Variants in TMPRSS4 observed in about 807,000 individuals in gnomAD.
TMPRSS4 encodes transmembrane protease serine 4.
In TMPRSS4, 45 loss-of-function variants were observed where a neutral mutation model predicts 56.4. The observed-to-expected ratio is 0.80, with a 90% CI of 0.63 to 1.02. The LOEUF is 1.02. TMPRSS4 is among the 50% of genes least tolerant of loss of function. TMPRSS4 has a pLI of 0.00. For synonymous variants in TMPRSS4, 205 were observed against 211.0 expected (o/e 0.97, Z 0.25); for missense variants, 546 against 556.7 (o/e 0.98, Z 0.19).
chr11:118,099,281 C>T, intron 3 of TMPRSS4, 183 bp downstream of exon 3: 1 of 517,370 alleles, frequency 1.9e-6, no homozygotes, highest in Non-Finnish European at 3.4e-6. Flanking sequence ...CTCCCATTAT[C>T]ACCTCAGTAA....
At chr11:118,089,401 TTA>T (rs1945802873) in intron 1 of TMPRSS4, among the ~76,000 whole-genome samples, 5 of 152,232 alleles carry the variant, frequency 3.3e-5, no homozygotes, top group Admixed American at 6.5e-5. Context: ...GATGGCTTTT[TTA>T]TGTTTTCCTT....
intron 1 of TMPRSS4, among the ~76,000 whole-genome samples, chr11:118,078,279 T>C (rs533184725): frequency 3.1e-4 from 47 of 152,184 alleles, no homozygotes; most frequent in African/African-American, 1.1e-3. Context: ...CCAGGGGTCT[T>C]CCTTCTCCAG....
At chr11:118,115,320 G>A (rs779217495) in intron 11 of TMPRSS4, 40 bp downstream of exon 11, 3 of 1,605,324 alleles carry the variant, frequency 1.9e-6, no homozygotes, top group Non-Finnish European at 2.5e-6. Flanking sequence ...TAAGAATAGG[G>A]TTTAGGTCCT....
chr11:118,107,667 C>G lies in TMPRSS4; in HGVS notation c.441-107C>G, dbSNP rs1947060828. The stretch of plus-strand genomic sequence containing the variant: ...TCTCCACTCCCTGGCCACTCCCCAC[C>G]AAGCATTCTCTGCCACTCTTTCTCC... On this transcript the variant is annotated intron_variant, in intron 5 of 12. Transcript: ENST00000437212. The G allele has an allele frequency of 4.4e-6, 4 of 905,998 alleles. No homozygotes were observed. The South Asian group carries it at 4.9e-5, about 11-fold the overall frequency. 56.1% of individuals were successfully genotyped at this position (905,998 alleles called of 1,614,324 possible).
intron 1 of TMPRSS4, 40 bp downstream of exon 1, chr11:118,077,345 T>C (rs1591318179): frequency 2.5e-6 from 4 of 1,577,976 alleles, no homozygotes; most frequent in Non-Finnish European, 2.6e-6. Context: ...ACAGGAAGGG[T>C]GGGTCTCCCC....
At position 118,119,306 on chromosome 11, in the gene TMPRSS4, T is replaced by A; in HGVS notation, c.*1393T>A. 21 of 985,446 alleles carry A rather than the reference T, an allele frequency of 2.1e-5. No homozygotes were observed. Among genetic ancestry groups the A allele is most frequent in the Non-Finnish European group, 2.5e-5 (21 of 829,930 alleles). 61.0% of individuals were successfully genotyped at this position (985,446 alleles called of 1,614,324 possible). A position where few individuals can be genotyped will look rare whatever the true frequency, so the allele number is the denominator to read the frequency against. On this transcript the variant is annotated 3_prime_UTR_variant, in exon 13 of 13. Transcript: ENST00000437212. ...GACAAGGGAGCTGAACCAGGGCTCC[T>A]ACATGAAGCAGGGATAACTGATGGC...
At position 118,098,985 on chromosome 11, in the gene TMPRSS4, A is replaced by G. The variant is rs750427274; in HGVS notation, c.44A>G (p.Asp15Gly). Residue 15 changes from aspartate (D) to glycine (G), a missense_variant and splice_region_variant, in exon 3 of 13, where the codon GAT becomes GGT. Physicochemically the swap from Asp to Gly is moderately conservative, Grantham distance 94. Transcript: ENST00000437212. ...CCCTCTGCCTCCCATTTTCTTGCAGATGTCAAACCCCTGCGCAAACCCCGT... is the reference window on the plus strand; with the variant it reads ...CCCTCTGCCTCCCATTTTCTTGCAGGTGTCAAACCCCTGCGCAAACCCCGT... ...PDSDQPLNSL[D>G]VKPLRKPRIP... The G allele has an allele frequency of 3.7e-6, 6 of 1,610,362 alleles. No individual in the cohort carries two copies. The highest frequency in any genetic ancestry group is 1.7e-6 in the Non-Finnish European group (2 of 1,177,590).
At chr11:118,110,033 T>C (rs1327979915) in intron 7 of TMPRSS4, among the ~76,000 whole-genome samples, 1 of 152,120 alleles carries the variant, frequency 6.6e-6, no homozygotes. Flanking sequence ...ACTGAAAGGG[T>C]GGCCAATACC....
At chr11:118,090,269 T>C (rs748821205) in intron 1 of TMPRSS4, among the ~76,000 whole-genome samples, 2 of 152,216 alleles carry the variant, frequency 1.3e-5, no homozygotes, top group Non-Finnish European at 2.9e-5. Context: ...TGAGATATTT[T>C]CATTAATTCT....
chr11:118,107,751 TC>T (rs779348353), intron 5 of TMPRSS4, 22 bp from the exon 6 acceptor site: 1 of 1,607,154 alleles, frequency 6.2e-7, no homozygotes, highest in Non-Finnish European at 8.5e-7. Flanking sequence ...CTCACAACTC[TC>T]TCTCCCTCTT....
At chr11:118,102,724 G>A (rs4996911) in intron 3 of TMPRSS4, among the ~76,000 whole-genome samples, 52,412 of 151,856 alleles carry the variant, frequency 0.35, 9,093 homozygotes, top group Admixed American at 0.37. Flanking sequence ...AAAGAAAAAA[G>A]TTAAGTTCCA....
chr11:118,077,872 G>A (rs1284454985), intron 1 of TMPRSS4, among the ~76,000 whole-genome samples: 1 of 152,016 alleles, frequency 6.6e-6, no homozygotes, highest in Admixed American at 6.5e-5. Flanking sequence ...AATTAGCCAG[G>A]CGTGGTGGCA....
chr11:118,094,892 C>T (rs1946200898), intron 2 of TMPRSS4, 37 bp downstream of exon 2: 3 of 1,604,942 alleles, frequency 1.9e-6, no homozygotes, highest in Non-Finnish European at 2.6e-6. Context: ...TCCACCTTAG[C>T]CTCTGAGTTT....
Position 118,115,225 on chromosome 11 carries a change from T to G in TMPRSS4, c.1097T>G (p.Val366Gly), listed in dbSNP as rs764205850. The change falls in exon 11 of 13, where the codon GTC (valine) becomes GGC (glycine). Residue 366 changes from valine (V) to glycine (G), a missense_variant. Physicochemically the swap from Val to Gly is moderately radical, Grantham distance 109. Transcript: ENST00000437212. ...GCAGACGATGCGTACCAGGGGGAAG[T>G]CACCGAGAAGATGATGTGTGCAGGC... ...CNADDAYQGEVTEKMMCAGIP... is the reference protein window; with the variant it reads ...CNADDAYQGEGTEKMMCAGIP... 3 of 1,612,548 alleles carry G rather than the reference T, an allele frequency of 1.9e-6. No homozygotes were observed. Among genetic ancestry groups the G allele is most frequent in the Non-Finnish European group, 2.5e-6 (3 of 1,179,862 alleles).
In TMPRSS4 at chr11:118,113,360, A is replaced by T; in HGVS notation, c.835A>T (p.Ile279Phe). The T allele has an allele frequency of 6.2e-7, 1 of 1,614,122 alleles. No individual in the cohort carries two copies. Among genetic ancestry groups the T allele is most frequent in the Non-Finnish European group, 8.5e-7 (1 of 1,180,010 alleles). The change falls in exon 9 of 13, where the codon ATT becomes TTT. Residue 279 changes from isoleucine to phenylalanine, a missense_variant. Transcript: ENST00000437212. ...CCTGGCTGTGGCCAAGATCATCATC[A>T]TTGAATTCAACCCCATGTACCCCAA... Reference protein sequence around the residue: ...PSLAVAKIIIIEFNPMYPKDN... With the variant: ...PSLAVAKIIIFEFNPMYPKDN...
chr11:118,113,197 C>G, intron 8 of TMPRSS4, 72 bp from the exon 9 acceptor site: 1 of 1,513,568 alleles, frequency 6.6e-7, no homozygotes, highest in East Asian at 2.3e-5. Flanking sequence ...CCCTAGGGCC[C>G]TGGGGACCCA....
Position 118,118,208 on chromosome 11 carries a change from C to T in TMPRSS4, c.*295C>T. On this transcript the variant is annotated 3_prime_UTR_variant, in exon 13 of 13. Coordinates refer to ENST00000437212, the MANE Select transcript of TMPRSS4 (RefSeq NM_019894.4). ...GGGGTATTGCTAAGCCAAGAAGGAACTTTCCCACACTACTGAATGGAAGCA... is the reference window on the plus strand; with the variant it reads ...GGGGTATTGCTAAGCCAAGAAGGAATTTTCCCACACTACTGAATGGAAGCA... The T allele has an allele frequency of 7.5e-7, 1 of 1,336,164 alleles. No individual in the cohort carries two copies. The highest frequency in any genetic ancestry group is 9.6e-7 in the Non-Finnish European group (1 of 1,044,194). 82.8% of individuals were successfully genotyped at this position (1,336,164 alleles called of 1,614,324 possible). A position where few individuals can be genotyped will look rare whatever the true frequency, so the allele number is the denominator to read the frequency against.
Position 118,094,008 on chromosome 11 carries a change from T to C in TMPRSS4, c.4-808T>C, listed in dbSNP as rs548180202. 2.1e-3 allele frequency among the ~76,000 whole-genome samples: 320 copies of C among 152,378 alleles called. 1 individual carries two copies. The highest frequency in any genetic ancestry group is 7.1e-3 in the African/African-American group (296 of 41,588). Reference sequence around the variant, plus strand: ...TCTATTGCTGAATTATATTCTATTATATGAAAATACCAGTTTATCCACTCT... The same window carrying C: ...TCTATTGCTGAATTATATTCTATTACATGAAAATACCAGTTTATCCACTCT... On this transcript the variant is annotated intron_variant, in intron 1 of 12. Transcript: ENST00000437212.
intron 7 of TMPRSS4, among the ~76,000 whole-genome samples, chr11:118,110,655 G>C (rs1947231374): frequency 6.6e-6 from 1 of 152,322 alleles, no homozygotes; most frequent in African/African-American, 2.4e-5. Flanking sequence ...TTACAGGCAT[G>C]AGCTGCCTCA....
Sources: allele counts gnomAD v4.1 joint callset (sites outside exome capture counted in the v4.1 genomes callset), GRCh38; gene constraint gnomAD v4.1.1; transcripts MANE v1.5; gene names NCBI Gene and HGNC (gene_info 2026-07-23, HGNC 2026-07-21).